GAREM1: variants seen among roughly 807,000 people sequenced by gnomAD.
The protein encoded by GAREM1 is GRB2-associated and regulator of MAPK protein 1.
A neutral mutation model predicts 71.3 loss-of-function variants in GAREM1; 26 were observed. The observed-to-expected ratio is 0.36, with a 90% CI of 0.27 to 0.51. GAREM1 has a LOEUF of 0.51. Among genes scored for constraint, GAREM1 ranks in the 20% least tolerant of loss-of-function variants. The probability of loss-of-function intolerance (pLI) is 0.95; values close to 1 mark genes in which losing one functional copy is unlikely to be tolerated. For missense variants in GAREM1, 1,026 were observed against 1,103.1 expected, an observed-to-expected ratio of 0.93 and a Z score of 0.99; for synonymous variants, 440 against 433.2, an observed-to-expected ratio of 1.02 and a Z score of -0.20.
chr18:32,427,499 G>C (rs966432941), intron 1 of GAREM1, among the ~76,000 whole-genome samples: 2 of 152,264 alleles, frequency 1.3e-5, no homozygotes, highest in Admixed American at 1.3e-4. Context: ...GATTGCAATG[G>C]TGATGTTTGA....
At chr18:32,457,401 A>G (rs1385837773) in intron 1 of GAREM1, among the ~76,000 whole-genome samples, 1 of 152,016 alleles carries the variant, frequency 6.6e-6, no homozygotes, top group Non-Finnish European at 1.5e-5. Context: ...TACAAATAGT[A>G]TTTATACTTA....
chr18:32,409,896 G>A (rs1360159138), intron 1 of GAREM1, among the ~76,000 whole-genome samples: 1 of 152,176 alleles, frequency 6.6e-6, no homozygotes, highest in South Asian at 2.1e-4. Flanking sequence ...ATTTCAGGCA[G>A]GCAGGTGAGA....
chr18:32,282,701 T>A (rs1332093616), intron 4 of GAREM1, among the ~76,000 whole-genome samples: 3 of 152,314 alleles, frequency 2.0e-5, no homozygotes, highest in African/African-American at 7.2e-5. Context: ...TGAGCCACGG[T>A]GCCAGGCTAA....
Position 32,431,832 on chromosome 18 carries a change from T to C in GAREM1, c.121+38476A>G, listed in dbSNP as rs117670561. The stretch of plus-strand genomic sequence containing the variant: ...GCAACCTGATTAAAACAACTACCTA[T>C]AGAAAAAAATGGGATTCAATTGACT... On this transcript the variant is annotated intron_variant, in intron 1 of 5. Transcript: ENST00000269209. 3.8e-3 allele frequency among the ~76,000 whole-genome samples: 582 copies of C among 151,888 alleles called. 2 individuals carry two copies. The highest frequency in any genetic ancestry group is 5.7e-3 in the Non-Finnish European group (387 of 67,942).
intron 1 of GAREM1, among the ~76,000 whole-genome samples, chr18:32,459,003 C>T (rs1273547560): frequency 3.3e-5 from 5 of 151,986 alleles, no homozygotes; most frequent in African/African-American, 1.2e-4. Context: ...CTCAAAACAA[C>T]TAATGTCTCG....
chr18:32,409,959 T>A (rs576172303), intron 1 of GAREM1, among the ~76,000 whole-genome samples: 82 of 152,300 alleles, frequency 5.4e-4, no homozygotes, highest in Non-Finnish European at 1.0e-3. Flanking sequence ...TAAACTACAA[T>A]ATAGAGACAT....
chr18:32,403,110 G>A (rs2048332316), intron 1 of GAREM1, among the ~76,000 whole-genome samples: 1 of 152,130 alleles, frequency 6.6e-6, no homozygotes, highest in Admixed American at 6.5e-5. Flanking sequence ...GTTTTGCCAT[G>A]TTGGCCAGGC....
At chr18:32,312,152 G>A (rs572535347) in intron 2 of GAREM1, among the ~76,000 whole-genome samples, 4 of 152,344 alleles carry the variant, frequency 2.6e-5, no homozygotes, top group South Asian at 4.1e-4. Flanking sequence ...CTTAGACACC[G>A]AAGTGTGGAG....
At chr18:32,297,056 C>A (rs1456747410) in intron 3 of GAREM1, among the ~76,000 whole-genome samples, 1 of 152,192 alleles carries the variant, frequency 6.6e-6, no homozygotes, top group Admixed American at 6.5e-5. Context: ...CACTGCCACA[C>A]CCATTCATTT....
At chr18:32,362,747 A>G (rs979845663) in intron 2 of GAREM1, among the ~76,000 whole-genome samples, 1 of 152,208 alleles carries the variant, frequency 6.6e-6, no homozygotes, top group Non-Finnish European at 1.5e-5. Context: ...AAGATATTGT[A>G]ACTATCATAA....
At chr18:32,304,997 TG>T (rs2047238924) in intron 3 of GAREM1, among the ~76,000 whole-genome samples, 1 of 151,874 alleles carries the variant, frequency 6.6e-6, no homozygotes, top group South Asian at 2.1e-4. Flanking sequence ...AGAAGAAACA[TG>T]GTTGATGAAA....
chr18:32,408,173 A>G (rs1046359490), intron 1 of GAREM1, among the ~76,000 whole-genome samples: 10 of 152,136 alleles, frequency 6.6e-5, no homozygotes, highest in African/African-American at 2.4e-4. Context: ...CTTCCTAACT[A>G]ATTTCTGATT....
chr18:32,312,910 A>G (rs1307693381), intron 2 of GAREM1, among the ~76,000 whole-genome samples: 2 of 152,248 alleles, frequency 1.3e-5, no homozygotes, highest in Non-Finnish European at 2.9e-5. Flanking sequence ...TTTTCCAGCC[A>G]AAGTTGGAAG....
rs577118726 is a variant in GAREM1, at chr18:32,333,901, G to A, written c.263-23578C>T. On this transcript the variant is annotated intron_variant, in intron 2 of 5. Coordinates refer to ENST00000269209, the MANE Select transcript of GAREM1 (RefSeq NM_001242409.2). ...CAAGACTCAGGTCGCTACACAGGCC[G>A]GTGTGCGGTCCGCAGAGTGAAGAGA... Among the ~76,000 whole-genome samples, 21 of 152,246 alleles carry A rather than the reference G, an allele frequency of 1.4e-4. 1 individual carries two copies. The highest frequency in any genetic ancestry group is 4.8e-4 in the African/African-American group (20 of 41,546).
chr18:32,363,708 T>C (rs1158677718), intron 2 of GAREM1, among the ~76,000 whole-genome samples: 2 of 151,956 alleles, frequency 1.3e-5, no homozygotes, highest in Non-Finnish European at 2.9e-5. Context: ...ACTGGAACAC[T>C]GTGAACTTTT....
intron 4 of GAREM1, among the ~76,000 whole-genome samples, chr18:32,274,508 C>G (rs531958254): frequency 1.3e-5 from 2 of 152,156 alleles, no homozygotes; most frequent in African/African-American, 4.8e-5. Context: ...ATGTTACTCG[C>G]TGTCTCCGAC....
At chr18:32,370,869 T>C (rs1158383431) in intron 2 of GAREM1, among the ~76,000 whole-genome samples, 1 of 152,192 alleles carries the variant, frequency 6.6e-6, no homozygotes. Flanking sequence ...GCCTATTTCC[T>C]ATCAGCAATC....
At position 32,267,191 on chromosome 18, in the gene GAREM1, T is replaced by C. The variant is rs931164103; in HGVS notation, c.*680A>G. On this transcript the variant is annotated 3_prime_UTR_variant, in exon 6 of 6. Coordinates refer to ENST00000269209, the MANE Select transcript of GAREM1 (RefSeq NM_001242409.2). ...TATTGTGTATGCACCTATACATGTT[T>C]ATATATGTATATTCTTTTTTCTCTG... The C allele has an allele frequency of 6.6e-6, 1 of 152,232 alleles. No individual in the cohort carries two copies. The highest frequency in any genetic ancestry group is 1.5e-5 in the Non-Finnish European group (1 of 68,044). The allele number at this position is 152,232 out of a possible 1,614,324, so 9.4% of individuals were successfully genotyped here.
chr18:32,351,003 C>G (rs1435974404), intron 2 of GAREM1, among the ~76,000 whole-genome samples: 1 of 152,080 alleles, frequency 6.6e-6, no homozygotes, highest in African/African-American at 2.4e-5. Flanking sequence ...AAAAAGTTGA[C>G]TTGAATTTTT....
Sources: gnomAD v4.1 joint callset for allele counts (sites outside exome capture counted in the v4.1 genomes callset) on GRCh38, gnomAD v4.1.1 for gene constraint, MANE v1.5 for transcripts, NCBI Gene and HGNC (gene_info 2026-07-23, HGNC 2026-07-21) for gene names.